Variants in PHACTR1 observed in about 807,000 individuals in gnomAD.
PHACTR1 encodes the protein RPEL repeat containing 1.
Under a neutral mutation model 69.2 loss-of-function variants are expected in PHACTR1, and 16 were observed. The observed-to-expected ratio is 0.23, with a 90% CI of 0.16 to 0.35. PHACTR1 has a LOEUF of 0.35. PHACTR1 is among the 10% of genes least tolerant of loss of function. The pLI is 1.00. For synonymous variants in PHACTR1, 312 were observed against 284.5 expected (o/e 1.10, Z -0.97); for missense variants, 510 against 734.7 (o/e 0.69, Z 3.54).
intron 4 of PHACTR1, among the ~76,000 whole-genome samples, chr6:12,845,898 G>A (rs184128286): frequency 5.7e-4 from 87 of 152,256 alleles, no homozygotes; most frequent in Admixed American, 4.9e-3. Context: ...GACAAAGTAA[G>A]CAATTTCATT....
chr6:13,137,680 G>A (rs748851933), intron 5 of PHACTR1, among the ~76,000 whole-genome samples: 4 of 152,204 alleles, frequency 2.6e-5, no homozygotes, highest in Admixed American at 6.5e-5. Flanking sequence ...GCATTTGTGC[G>A]CTGGGAATGG....
intron 6 of PHACTR1, among the ~76,000 whole-genome samples, chr6:13,181,566 G>A (rs1762179007): frequency 6.6e-6 from 1 of 152,226 alleles, no homozygotes; most frequent in Admixed American, 6.5e-5. Flanking sequence ...GCCATTGTAT[G>A]GGAGCCTTTG....
chr6:13,129,353 A>G (rs773428705), intron 5 of PHACTR1, among the ~76,000 whole-genome samples: 2 of 152,150 alleles, frequency 1.3e-5, no homozygotes, highest in African/African-American at 2.4e-5. Flanking sequence ...CTCCACTTAA[A>G]ATATAATGGC....
intron 4 of PHACTR1, among the ~76,000 whole-genome samples, chr6:12,894,402 C>T (rs969570583): frequency 5.9e-5 from 9 of 152,120 alleles, no homozygotes; most frequent in African/African-American, 2.2e-4. Flanking sequence ...GTCAGGAGTT[C>T]GAGACCAGCC....
At chr6:13,059,483 C>G (rs184071279) in intron 5 of PHACTR1, among the ~76,000 whole-genome samples, 1 of 151,246 alleles carries the variant, frequency 6.6e-6, no homozygotes, top group Non-Finnish European at 1.5e-5. Flanking sequence ...CACACACACA[C>G]ACACACACAC....
At chr6:12,914,285 A>T (rs1466186840) in intron 4 of PHACTR1, among the ~76,000 whole-genome samples, 1 of 152,214 alleles carries the variant, frequency 6.6e-6, no homozygotes, top group Non-Finnish European at 1.5e-5. Flanking sequence ...GATATGAGCC[A>T]CTGCTCCCAA....
At chr6:12,807,492 A>T (rs1329300766) in intron 4 of PHACTR1, among the ~76,000 whole-genome samples, 1 of 152,198 alleles carries the variant, frequency 6.6e-6, no homozygotes, top group East Asian at 1.9e-4. Context: ...ACCCCAGGAA[A>T]TATAAGGACC....
At chr6:12,924,106 A>G (rs1788003673) in intron 4 of PHACTR1, among the ~76,000 whole-genome samples, 1 of 152,198 alleles carries the variant, frequency 6.6e-6, no homozygotes, top group African/African-American at 2.4e-5. Flanking sequence ...TAAGTTTTGG[A>G]GGCAGTAGTT....
chr6:12,956,414 G>C (rs1483308685), intron 4 of PHACTR1, among the ~76,000 whole-genome samples: 1 of 151,906 alleles, frequency 6.6e-6, no homozygotes, highest in Non-Finnish European at 1.5e-5. Context: ...GTATCATCTG[G>C]ACAGAGATAA....
Position 13,205,810 on chromosome 6 carries a change from C to A in PHACTR1, c.665-5C>A. 6.4e-7 allele frequency: 1 copy of A among 1,574,526 alleles called. No homozygotes were observed. Among genetic ancestry groups the A allele is most frequent in the Non-Finnish European group, 8.7e-7 (1 of 1,154,062 alleles). On this transcript the variant is annotated splice_polypyrimidine_tract_variant and splice_region_variant and intron_variant, in intron 7 of 14. Transcript: ENST00000332995. ...CATCTGCCTCTCGCCCTCTTTCTGC[C>A]ACAGATCCTGGCGCCCCTGTGAAAT...
intron 4 of PHACTR1, among the ~76,000 whole-genome samples, chr6:12,768,705 T>A (rs1768988158): frequency 1.3e-5 from 2 of 152,022 alleles, no homozygotes; most frequent in African/African-American, 4.8e-5. Context: ...AGAAGGGGAA[T>A]GCTGGATCCT....
At chr6:12,908,110 T>G (rs1218280676) in intron 4 of PHACTR1, among the ~76,000 whole-genome samples, 2 of 152,202 alleles carry the variant, frequency 1.3e-5, no homozygotes, top group East Asian at 3.8e-4. Context: ...AGGGATGTTC[T>G]TCTTTATATT....
intron 4 of PHACTR1, among the ~76,000 whole-genome samples, chr6:12,932,666 C>T (rs1788996175): frequency 6.6e-6 from 1 of 152,166 alleles, no homozygotes; most frequent in African/African-American, 2.4e-5. Flanking sequence ...ATTCTGACCC[C>T]TTAAACAATA....
intron 5 of PHACTR1, among the ~76,000 whole-genome samples, chr6:13,058,062 C>T (rs1807071943): frequency 6.6e-6 from 1 of 152,268 alleles, no homozygotes; most frequent in South Asian, 2.1e-4. Flanking sequence ...CTGCCCAGGG[C>T]TTGTGAACCT....
rs373038701 is a variant in PHACTR1, at chr6:13,254,941, T to G, written c.1392-17919T>G. Among the ~76,000 whole-genome samples the G allele has an allele frequency of 1.7e-4, 26 of 152,338 alleles. 1 individual carries two copies. Among genetic ancestry groups the G allele is most frequent in the East Asian group, 1.5e-3 (8 of 5,192 alleles). ...AATTCTGAACTGAGAAAGACCCACC[T>G]CTTAGCTCCCCAAGGCAGGAAAGCA... On this transcript the variant is annotated intron_variant, in intron 10 of 14. Coordinates refer to ENST00000332995, the MANE Select transcript of PHACTR1 (RefSeq NM_030948.6).
chr6:12,992,687 A>C (rs1388100116), intron 4 of PHACTR1, among the ~76,000 whole-genome samples: 1 of 152,160 alleles, frequency 6.6e-6, no homozygotes, highest in Non-Finnish European at 1.5e-5. Flanking sequence ...GCACACAAGG[A>C]ATGCATTTAA....
intron 10 of PHACTR1, chr6:13,230,490 G>A (rs1026795200): frequency 6.2e-6 from 2 of 320,740 alleles, no homozygotes; most frequent in Admixed American, 4.9e-5. Flanking sequence ...AGGTTCCAGT[G>A]AGCCGAGATC....
intron 10 of PHACTR1, among the ~76,000 whole-genome samples, chr6:13,234,485 A>G (rs1221867839): frequency 6.6e-6 from 1 of 152,192 alleles, no homozygotes; most frequent in African/African-American, 2.4e-5. Flanking sequence ...AGCAAGATAG[A>G]AAACATAATT....
chr6:13,277,416 G>A (rs188588729), intron 11 of PHACTR1, among the ~76,000 whole-genome samples: 7 of 152,336 alleles, frequency 4.6e-5, no homozygotes, highest in Non-Finnish European at 1.0e-4. Context: ...GATGGAATCA[G>A]GGCTTGTGAA....
Sources: gnomAD v4.1 joint callset for allele counts (sites outside exome capture counted in the v4.1 genomes callset) on GRCh38, gnomAD v4.1.1 for gene constraint, MANE v1.5 for transcripts, NCBI Gene and HGNC (gene_info 2026-07-23, HGNC 2026-07-21) for gene names.